Variants in FGF14 observed in about 807,000 individuals in gnomAD.
The protein encoded by FGF14 is fibroblast growth factor 14.
A neutral mutation model predicts 25.5 loss-of-function variants in FGF14; 5 were observed. That is an observed-to-expected ratio of 0.20 (90% CI 0.10 to 0.41). The LOEUF (loss-of-function observed/expected upper bound fraction) is 0.41. FGF14 is among the 10% of genes least tolerant of loss of function. The pLI, the probability that FGF14 is intolerant of heterozygous loss-of-function variation, is 1.00. For missense variants in FGF14, 222 were observed against 320.1 expected (o/e 0.69, Z 2.34); for synonymous variants, 138 against 118.3 (o/e 1.17, Z -1.08).
chr13:101,972,082 T>C (rs966423817), intron 1 of FGF14, among the ~76,000 whole-genome samples: 1 of 152,192 alleles, frequency 6.6e-6, no homozygotes, highest in African/African-American at 2.4e-5. Flanking sequence ...CCTCTACCAA[T>C]GTGATTTTAA....
chr13:102,142,311 T>G (rs137992095), intron 1 of FGF14, among the ~76,000 whole-genome samples: 3 of 152,078 alleles, frequency 2.0e-5, no homozygotes, highest in Admixed American at 2.0e-4. Context: ...AAATAGGATA[T>G]GATTTGGTTG....
intron 1 of FGF14, among the ~76,000 whole-genome samples, chr13:102,082,322 T>G (rs984403761): frequency 2.0e-5 from 3 of 151,780 alleles, no homozygotes; most frequent in African/African-American, 7.3e-5. Context: ...AAAAAAACTC[T>G]AAGCCATGTC....
intron 1 of FGF14, among the ~76,000 whole-genome samples, chr13:102,001,057 AG>A (rs2039467477): frequency 6.6e-6 from 1 of 152,164 alleles, no homozygotes; most frequent in Non-Finnish European, 1.5e-5. Context: ...CAGGAAACAG[AG>A]AGCATAAATA....
At chr13:102,046,970 G>A (rs1418131796) in intron 1 of FGF14, among the ~76,000 whole-genome samples, 1 of 152,138 alleles carries the variant, frequency 6.6e-6, no homozygotes, top group African/African-American at 2.4e-5. Flanking sequence ...TATTGGGGAG[G>A]TGTCAGGTTA....
At chr13:102,019,968 G>T (rs2040549103) in intron 1 of FGF14, among the ~76,000 whole-genome samples, 1 of 152,092 alleles carries the variant, frequency 6.6e-6, no homozygotes, top group Non-Finnish European at 1.5e-5. Flanking sequence ...TCAGGTGCTT[G>T]CCTACAGCAA....
intron 3 of FGF14, among the ~76,000 whole-genome samples, chr13:101,809,672 TTATAA>T (rs1282472884): frequency 2.0e-5 from 3 of 152,096 alleles, no homozygotes; most frequent in Non-Finnish European, 4.4e-5. Flanking sequence ...GATTAAAGGA[TTATAA>T]TATAACAGAG....
At chr13:102,253,517 GT>G (rs1301152964) in intron 1 of FGF14, among the ~76,000 whole-genome samples, 5 of 151,998 alleles carry the variant, frequency 3.3e-5, no homozygotes, top group African/African-American at 1.2e-4. Flanking sequence ...TGATGGGGTT[GT>G]TTTTTTCCTG....
chr13:101,889,583 A>C, intron 1 of FGF14, among the ~76,000 whole-genome samples: 1 of 152,184 alleles, frequency 6.6e-6, no homozygotes, highest in Non-Finnish European at 1.5e-5. Flanking sequence ...CCATCTCCAC[A>C]TTGGGAAATA....
intron 1 of FGF14, among the ~76,000 whole-genome samples, chr13:102,174,342 T>C (rs2048360743): frequency 6.6e-6 from 1 of 151,306 alleles, no homozygotes. Flanking sequence ...TATTTTTGTA[T>C]TTTTAGTACA....
At chr13:102,310,377 C>T (rs1336784555) in intron 1 of FGF14, among the ~76,000 whole-genome samples, 3 of 152,142 alleles carry the variant, frequency 2.0e-5, no homozygotes, top group Non-Finnish European at 4.4e-5. Context: ...GAAATCCTAA[C>T]AGGCAGAATT....
chr13:101,939,655 T>A (rs2035316719), intron 1 of FGF14, among the ~76,000 whole-genome samples: 1 of 152,214 alleles, frequency 6.6e-6, no homozygotes, highest in African/African-American at 2.4e-5. Context: ...ATGTGCAGTC[T>A]TCTATCCTCT....
At chr13:102,390,795 A>G (rs1269875156) in intron 1 of FGF14, among the ~76,000 whole-genome samples, 1 of 152,230 alleles carries the variant, frequency 6.6e-6, no homozygotes, top group Non-Finnish European at 1.5e-5. Context: ...TGTTAAAGCA[A>G]AAGAGTAATA....
intron 1 of FGF14, among the ~76,000 whole-genome samples, chr13:102,053,052 T>C (rs2042284577): frequency 6.6e-6 from 1 of 151,934 alleles, no homozygotes; most frequent in Non-Finnish European, 1.5e-5. Context: ...CAAAAACCAA[T>C]AGTAGATGCA....
chr13:101,796,984 G>A (rs958841391), intron 3 of FGF14, among the ~76,000 whole-genome samples: 9 of 151,964 alleles, frequency 5.9e-5, no homozygotes, highest in Non-Finnish European at 1.3e-4. Context: ...TCTTCTCTGT[G>A]GTGCAGGGCT....
chr13:102,171,652 T>A (rs911707998), intron 1 of FGF14, among the ~76,000 whole-genome samples: 1 of 152,180 alleles, frequency 6.6e-6, no homozygotes, highest in Non-Finnish European at 1.5e-5. Context: ...AAGCAACAAG[T>A]TGTTTATCAA....
At chr13:102,198,082 T>C (rs1011906049) in intron 1 of FGF14, among the ~76,000 whole-genome samples, 1 of 152,194 alleles carries the variant, frequency 6.6e-6, no homozygotes, top group Non-Finnish European at 1.5e-5. Flanking sequence ...CTACCCGCCC[T>C]GGCGCAGAGT....
intron 3 of FGF14, 122 bp downstream of exon 3, chr13:101,868,603 G>A (rs2044864548): frequency 1.3e-6 from 1 of 762,928 alleles, no homozygotes; most frequent in South Asian, 1.4e-5. Context: ...TTCTCGCAAA[G>A]ATCAAATACT....
At chr13:101,892,005 G>C (rs1027790615) in intron 1 of FGF14, among the ~76,000 whole-genome samples, 1 of 152,040 alleles carries the variant, frequency 6.6e-6, no homozygotes, top group Non-Finnish European at 1.5e-5. Context: ...ACGAAGATGT[G>C]ACATAGCAAA....
intron 1 of FGF14, among the ~76,000 whole-genome samples, chr13:102,053,822 T>C (rs1294734485): frequency 1.3e-5 from 2 of 152,136 alleles, no homozygotes; most frequent in African/African-American, 2.4e-5. Context: ...AAAAAGTGAA[T>C]AGAACTTAAG....
Sources: gnomAD v4.1 joint callset for allele counts (sites outside exome capture counted in the v4.1 genomes callset) on GRCh38, gnomAD v4.1.1 for gene constraint, MANE v1.5 for transcripts, NCBI Gene and HGNC (gene_info 2026-07-23, HGNC 2026-07-21) for gene names.